Variants in PXDC1 observed in about 807,000 individuals in gnomAD.
PXDC1 encodes the protein PX domain-containing protein 1.
Under a neutral mutation model 24.4 loss-of-function variants are expected in PXDC1, and 13 were observed. The observed-to-expected ratio is 0.53, with a 90% CI of 0.35 to 0.85. The LOEUF is 0.85. Ranked by LOEUF, PXDC1 falls within the 40% of genes least tolerant of loss-of-function variation. The pLI is 0.01. For synonymous variants in PXDC1, 162 were observed against 124.9 expected (o/e 1.30, Z -1.98); for missense variants, 344 against 309.3 (o/e 1.11, Z -0.84).
intron 1 of PXDC1, among the ~76,000 whole-genome samples, chr6:3,744,204 G>A (rs1300639567): frequency 1.3e-5 from 2 of 152,158 alleles, no homozygotes; most frequent in Admixed American, 6.5e-5. Context: ...TAGCCAGTCC[G>A]TCCTGCAGCA....
intron 1 of PXDC1, among the ~76,000 whole-genome samples, chr6:3,747,370 C>T (rs143176147): frequency 1.3e-3 from 199 of 152,288 alleles, no homozygotes; most frequent in African/African-American, 4.5e-3. Context: ...CTGCTCTTTC[C>T]CAGCACAGCA....
At position 3,751,628 on chromosome 6, in the gene PXDC1, G is replaced by A; in HGVS notation, c.-97C>T. The A allele has an allele frequency of 7.4e-7, 1 of 1,351,604 alleles. No individual in the cohort carries two copies. The highest frequency in any genetic ancestry group is 1.8e-5 in the South Asian group (1 of 55,518). 83.7% of individuals were successfully genotyped at this position (1,351,604 alleles called of 1,614,324 possible). Reference sequence around the variant, plus strand: ...CGGGGTCGTCCCGGGTCTGTCCGTGGCCGGGGTCGTCCGGGGTCGGCCCGT... The same window carrying A: ...CGGGGTCGTCCCGGGTCTGTCCGTGACCGGGGTCGTCCGGGGTCGGCCCGT... On this transcript the variant is annotated 5_prime_UTR_variant, in exon 1 of 5. Transcript: ENST00000380283.
At position 3,728,400 on chromosome 6, in the gene PXDC1, T is replaced by C. The variant is rs1207328505; in HGVS notation, c.467-738A>G. On this transcript the variant is annotated intron_variant, in intron 3 of 4. Coordinates refer to ENST00000380283, the MANE Select transcript of PXDC1 (RefSeq NM_183373.4). This position sits in a 1 kb window ranked among gnomAD's most constrained non-coding sequence, Gnocchi z 4.0. ...TGCCCATTCCTGAGTTACTTCTCAG[T>C]GTGCATTTTAAACCAAAGGGTGACT... 6.6e-6 allele frequency among the ~76,000 whole-genome samples: 1 copy of C among 152,218 alleles called. No homozygotes were observed. Among genetic ancestry groups the C allele is most frequent in the African/African-American group, 2.4e-5 (1 of 41,448 alleles).
Position 3,737,208 on chromosome 6 carries a change from T to G in PXDC1, c.349-12A>C. 1 of 1,560,820 alleles carries G rather than the reference T, an allele frequency of 6.4e-7. No individual in the cohort carries two copies. The highest frequency in any genetic ancestry group is 1.4e-5 in the African/African-American group (1 of 73,956). On this transcript the variant is annotated splice_polypyrimidine_tract_variant and intron_variant, in intron 2 of 4. Transcript: ENST00000380283. The surrounding 1 kb of genome is among the most constrained non-coding windows in gnomAD (Gnocchi z 5.5). Reference sequence around the variant, plus strand: ...TCCGATCTAGAATACTGGGGAGAAATGCAGGGATTACTAAAAACGATCAGC... The same window carrying G: ...TCCGATCTAGAATACTGGGGAGAAAGGCAGGGATTACTAAAAACGATCAGC...
chr6:3,739,453 C>T (rs1385099638), intron 1 of PXDC1, among the ~76,000 whole-genome samples: 4 of 152,246 alleles, frequency 2.6e-5, no homozygotes, highest in African/African-American at 9.6e-5. Context: ...GATCCTGCCC[C>T]CTCCACTGAC....
At position 3,724,443 on chromosome 6, in the gene PXDC1, G is replaced by C. The variant is rs1760011155; in HGVS notation, c.579-707C>G. ...CTGTTTCTACTCCCTCTGCAGCCCA[G>C]GCAGACTTCCTACGTTAAGAAAAGA... On this transcript the variant is annotated intron_variant, in intron 4 of 4. Transcript: ENST00000380283. The surrounding 1 kb of genome is among the most constrained non-coding windows in gnomAD (Gnocchi z 4.5). Among the ~76,000 whole-genome samples, 1 of 152,200 alleles carries C rather than the reference G, an allele frequency of 6.6e-6. No homozygotes were observed. The highest frequency in any genetic ancestry group is 6.5e-5 in the Admixed American group (1 of 15,284).
At chr6:3,726,855 C>T (rs1411642106) in intron 4 of PXDC1, among the ~76,000 whole-genome samples, 4 of 152,356 alleles carry the variant, frequency 2.6e-5, no homozygotes, top group South Asian at 2.1e-4. Context: ...CAACACAACC[C>T]GTGGTGGGAC....
intron 1 of PXDC1, among the ~76,000 whole-genome samples, chr6:3,742,380 G>A (rs549800111): frequency 6.6e-6 from 1 of 152,144 alleles, no homozygotes; most frequent in East Asian, 1.9e-4. Flanking sequence ...TAAAACTTTT[G>A]GTTTTTATAT....
intron 1 of PXDC1, among the ~76,000 whole-genome samples, chr6:3,749,483 C>CGTAACA (rs1464245507): frequency 6.9e-6 from 1 of 145,716 alleles, no homozygotes; most frequent in East Asian, 2.0e-4. Flanking sequence ...CTTGTGACCG[C>CGTAACA]GTAACAGACC....
chr6:3,726,282 C>T (rs1760064165), intron 4 of PXDC1, among the ~76,000 whole-genome samples: 1 of 152,338 alleles, frequency 6.6e-6, no homozygotes, highest in East Asian at 1.9e-4. Flanking sequence ...TACACTCCAG[C>T]CTTGTACCTC....
intron 1 of PXDC1, among the ~76,000 whole-genome samples, chr6:3,750,489 T>C (rs3895328): frequency 0.63 from 96,187 of 151,656 alleles, 30,769 homozygotes; most frequent in Non-Finnish European, 0.67. Flanking sequence ...CCCGTCTCAA[T>C]TCCAGTCCCT....
intron 1 of PXDC1, among the ~76,000 whole-genome samples, chr6:3,744,050 A>G (rs777287697): frequency 1.3e-5 from 2 of 152,226 alleles, no homozygotes; most frequent in Non-Finnish European, 2.9e-5. Flanking sequence ...CGACTGGGAA[A>G]GAAATGTTTG....
In PXDC1 at chr6:3,725,555, G is replaced by C. The variant is rs958234308; in HGVS notation, c.579-1819C>G. Among the ~76,000 whole-genome samples, 8 of 152,224 alleles carry C rather than the reference G, an allele frequency of 5.3e-5. No homozygotes were observed. Among genetic ancestry groups the C allele is most frequent in the South Asian group, 2.1e-4 (1 of 4,830 alleles). On this transcript the variant is annotated intron_variant, in intron 4 of 4. Transcript: ENST00000380283. The surrounding 1 kb of genome is among the most constrained non-coding windows in gnomAD (Gnocchi z 4.8). ...CGGGGCAGCCTGCTGAGACTCTGCT[G>C]TGGGGGCCCTGCTGTGGGCCCGGCG...
At chr6:3,736,506 T>A (rs1272900354) in intron 3 of PXDC1, among the ~76,000 whole-genome samples, 2 of 152,188 alleles carry the variant, frequency 1.3e-5, no homozygotes, top group Non-Finnish European at 2.9e-5. Flanking sequence ...ATCCTCCTCA[T>A]CAGCCTTTGT....
intron 4 of PXDC1, among the ~76,000 whole-genome samples, chr6:3,726,927 T>C (rs1002588344): frequency 1.3e-5 from 2 of 152,198 alleles, no homozygotes; most frequent in Non-Finnish European, 2.9e-5. Flanking sequence ...TCTGAGCTCA[T>C]ACAGCCAAGG....
intron 1 of PXDC1, among the ~76,000 whole-genome samples, chr6:3,743,239 A>G (rs1318906203): frequency 1.3e-5 from 2 of 152,156 alleles, no homozygotes; most frequent in African/African-American, 2.4e-5. Context: ...CTGGGAGGTC[A>G]CACGTTAAAG....
chr6:3,751,581 C>T lies in PXDC1; in HGVS notation c.-50G>A. 6.9e-7 allele frequency: 1 copy of T among 1,452,422 alleles called. No homozygotes were observed. The highest frequency in any genetic ancestry group is 9.0e-7 in the Non-Finnish European group (1 of 1,106,918). The allele number at this position is 1,452,422 out of a possible 1,614,324, so 90.0% of individuals were successfully genotyped here. On this transcript the variant is annotated 5_prime_UTR_variant, in exon 1 of 5. Coordinates refer to ENST00000380283, the MANE Select transcript of PXDC1 (RefSeq NM_183373.4). ...GCTCCCCAGCCCCGCCGCCCGCCCG[C>T]CCGCAGGAGGCGCGCCCCGGCCGGG...
intron 3 of PXDC1, among the ~76,000 whole-genome samples, chr6:3,732,915 G>A (rs899237519): frequency 3.3e-5 from 5 of 152,186 alleles, no homozygotes; most frequent in Non-Finnish European, 5.9e-5. Flanking sequence ...GCTCTCGGCC[G>A]GGAATGAATG....
intron 1 of PXDC1, chr6:3,751,001 G>C (rs923038531): frequency 2.3e-6 from 1 of 426,196 alleles, no homozygotes; most frequent in East Asian, 4.2e-5. Flanking sequence ...CGTCCTCAGG[G>C]AGAGTCCGGC....
Sources: allele counts gnomAD v4.1 joint callset (sites outside exome capture counted in the v4.1 genomes callset), GRCh38; gene constraint gnomAD v4.1.1; non-coding constraint Gnocchi (gnomAD v3.1); transcripts MANE v1.5; gene names NCBI Gene and HGNC (gene_info 2026-07-23, HGNC 2026-07-21).